Variants in PRELID2 observed in about 807,000 individuals in gnomAD.
The protein encoded by PRELID2 is PRELI domain containing 2.
PRELID2 carries 25 observed loss-of-function variants against 28.4 expected under a neutral mutation model. The observed-to-expected ratio is 0.88, with a 90% CI of 0.64 to 1.23. The LOEUF is 1.23. PRELID2 is among the 50% of genes most tolerant of loss of function. PRELID2 has a pLI of 0.00. For missense variants in PRELID2, 201 were observed against 214.4 expected (o/e 0.94, Z 0.39); for synonymous variants, 76 against 71.6 (o/e 1.06, Z -0.31).
chr5:145,750,135 TC>T, intron 1 of PRELID2, among the ~76,000 whole-genome samples: 1 of 151,252 alleles, frequency 6.6e-6, no homozygotes. Flanking sequence ...ATTTAAAATC[TC>T]CCCCAAACAG....
chr5:145,290,122 A>T, the PRELID2 span, among the ~76,000 whole-genome samples: 2 of 152,188 alleles, frequency 1.3e-5, no homozygotes, highest in African/African-American at 4.8e-5. Context: ...GAGGATGTGG[A>T]GAAATAGGAA....
intron 1 of PRELID2, among the ~76,000 whole-genome samples, chr5:145,614,016 C>G (rs1753660200): frequency 6.6e-6 from 1 of 152,122 alleles, no homozygotes; most frequent in South Asian, 2.1e-4. Flanking sequence ...GATGAGGATC[C>G]AGTTTCATTC....
intron 4 of PRELID2, among the ~76,000 whole-genome samples, chr5:145,802,758 C>CA (rs1753218197): frequency 1.3e-5 from 2 of 152,148 alleles, no homozygotes; most frequent in African/African-American, 4.8e-5. Flanking sequence ...GGAACTGTGA[C>CA]AGAGAAAGCA....
At chr5:145,526,681 C>G (rs982194167) in intron 1 of PRELID2, among the ~76,000 whole-genome samples, 2 of 152,096 alleles carry the variant, frequency 1.3e-5, no homozygotes, top group African/African-American at 4.8e-5. Context: ...ACATGTCAGG[C>G]TAATAACAAT....
At chr5:145,326,397 G>A in the PRELID2 span, among the ~76,000 whole-genome samples, 5 of 152,104 alleles carry the variant, frequency 3.3e-5, no homozygotes, top group African/African-American at 1.2e-4. Flanking sequence ...TACACAAGCT[G>A]ATACTAGAAT....
chr5:145,381,696 T>C, the PRELID2 span: 1 of 152,618 alleles, frequency 6.6e-6, no homozygotes, highest in East Asian at 1.9e-4. Context: ...GTAAATGCTA[T>C]GATCCAGAAC....
the PRELID2 span, among the ~76,000 whole-genome samples, chr5:145,284,110 G>C: frequency 6.6e-6 from 1 of 151,860 alleles, no homozygotes; most frequent in Non-Finnish European, 1.5e-5. Context: ...TATAAAATGG[G>C]GATAATAATA....
chr5:145,269,062 A>G, the PRELID2 span, among the ~76,000 whole-genome samples: 1 of 152,172 alleles, frequency 6.6e-6, no homozygotes. Context: ...TGCCACTTTT[A>G]TAGACTGAGA....
chr5:145,586,567 C>T (rs1343927365), intron 1 of PRELID2, among the ~76,000 whole-genome samples: 1 of 152,124 alleles, frequency 6.6e-6, no homozygotes, highest in Non-Finnish European at 1.5e-5. Context: ...TAGCTGTCAG[C>T]TTGTTTTAAT....
At chr5:145,768,800 A>C (rs893245900) in intron 5 of PRELID2, among the ~76,000 whole-genome samples, 3 of 152,222 alleles carry the variant, frequency 2.0e-5, no homozygotes. Flanking sequence ...GAATCAATTA[A>C]GTTCACAGGG....
At chr5:145,744,112 T>C (rs1756919665) in intron 1 of PRELID2, among the ~76,000 whole-genome samples, 1 of 152,182 alleles carries the variant, frequency 6.6e-6, no homozygotes, top group Non-Finnish European at 1.5e-5. Flanking sequence ...CCTCATTGGG[T>C]AGGGCTTCCC....
At chr5:145,287,044 C>T in the PRELID2 span, among the ~76,000 whole-genome samples, 3 of 152,156 alleles carry the variant, frequency 2.0e-5, no homozygotes, top group East Asian at 5.8e-4. Context: ...ACTGTATTCT[C>T]CTGTAAATAT....
At chr5:145,486,000 TACA>T (rs1443717743) in intron 1 of PRELID2, among the ~76,000 whole-genome samples, 2 of 152,210 alleles carry the variant, frequency 1.3e-5, no homozygotes, top group Non-Finnish European at 2.9e-5. Context: ...CTTTCATACG[TACA>T]CCTATTAACA....
chr5:145,355,946 T>C, the PRELID2 span, among the ~76,000 whole-genome samples: 1 of 152,124 alleles, frequency 6.6e-6, no homozygotes, highest in African/African-American at 2.4e-5. Context: ...AGGCCATGTC[T>C]ACTCCACTCA....
At chr5:145,429,747 G>T in the PRELID2 span, 1 of 152,298 alleles carries the variant, frequency 6.6e-6, no homozygotes, top group East Asian at 1.9e-4. Context: ...CCCACACTTT[G>T]ATTCTAGGCT....
chr5:145,571,332 G>T (rs944453828), intron 1 of PRELID2, among the ~76,000 whole-genome samples: 1 of 152,166 alleles, frequency 6.6e-6, no homozygotes, highest in East Asian at 1.9e-4. Context: ...AGGACAGGAA[G>T]TGGGGGGCCA....
rs1420880921 is a variant in PRELID2, at chr5:145,615,323, TTTTG to T, written n.71-142012_71-142009del. Among the ~76,000 whole-genome samples, 192 of 93,582 alleles carry T rather than the reference TTTTG, an allele frequency of 2.1e-3. 11 individuals carry two copies. The highest frequency in any genetic ancestry group is 0.011 in the African/African-American group (181 of 16,408). The allele number at this position is 93,582 out of a possible 152,430, so 61.4% of individuals were successfully genotyped here. On this transcript the variant is annotated intron_variant and non_coding_transcript_variant, in intron 1 of 2. Transcript: ENST00000510259. ...CTTATGTGTTATGTGAGTCTCTTTT[TTTTG>T]TTTTTTTTTTTTTTTTTTGAGACGG...
the PRELID2 span, among the ~76,000 whole-genome samples, chr5:145,412,989 G>C: frequency 1.1e-3 from 174 of 152,162 alleles, no homozygotes; most frequent in African/African-American, 3.9e-3. Flanking sequence ...CCACCTCCAT[G>C]ATTCAATTAT....
intron 1 of PRELID2, among the ~76,000 whole-genome samples, chr5:145,481,969 A>G (rs919308265): frequency 2.6e-5 from 4 of 152,230 alleles, no homozygotes; most frequent in Admixed American, 2.0e-4. Flanking sequence ...ACGAACTCCA[A>G]CACTTCATTC....
Sources: allele counts gnomAD v4.1 joint callset (sites outside exome capture counted in the v4.1 genomes callset), GRCh38; gene constraint gnomAD v4.1.1; transcripts MANE v1.5; gene names NCBI Gene and HGNC (gene_info 2026-07-23, HGNC 2026-07-21).